The following GEMIN5 variants were observed in gnomAD, a reference collection of about 807,000 sequenced individuals.
The protein encoded by GEMIN5 is gem nuclear organelle associated protein 5, also known as gem-associated protein 5.
A neutral mutation model predicts 176.9 loss-of-function variants in GEMIN5; 124 were observed. That is an observed-to-expected ratio of 0.70 (90% confidence interval 0.61 to 0.81). The LOEUF (loss-of-function observed/expected upper bound fraction) is 0.81. Among genes scored for constraint, GEMIN5 ranks in the 40% least tolerant of loss-of-function variants. GEMIN5 has a pLI of 0.00. For synonymous variants in GEMIN5, 673 were observed against 665.2 expected, an observed-to-expected ratio of 1.01 and a Z score of -0.18; for missense variants, 1,843 against 1,814.6, an observed-to-expected ratio of 1.02 and a Z score of -0.28.
At chr5:154,937,729 C>G (rs1261737045) in intron 1 of GEMIN5, among the ~76,000 whole-genome samples, 2 of 152,206 alleles carry the variant, frequency 1.3e-5, no homozygotes, top group East Asian at 3.9e-4. Context: ...ACAAGGCTAA[C>G]TTTTCAGTAA....
intron 14 of GEMIN5, 88 bp from the exon 15 acceptor site, chr5:154,911,986 A>C: frequency 8.3e-7 from 1 of 1,201,006 alleles, no homozygotes; most frequent in Non-Finnish European, 1.1e-6. Context: ...ACAAAAAACA[A>C]AAAACAAAAA....
At chr5:154,918,996 G>A (rs1217809595) in intron 11 of GEMIN5, among the ~76,000 whole-genome samples, 3 of 152,086 alleles carry the variant, frequency 2.0e-5, no homozygotes, top group South Asian at 2.1e-4. Flanking sequence ...AGCTGAGATC[G>A]CACCACCGCA....
intron 15 of GEMIN5, among the ~76,000 whole-genome samples, chr5:154,909,314 C>T (rs1763643395): frequency 6.6e-6 from 1 of 151,720 alleles, no homozygotes; most frequent in Admixed American, 6.6e-5. Context: ...CATTCTACCA[C>T]AAGGAAGAGC....
chr5:154,891,752 G>A lies in GEMIN5; in HGVS notation c.3761-10C>T, dbSNP rs1174796803. ...CTTAGGTGGTCACAGCCTAGGAAAA[G>A]AGGAAAAAGATACTGGGTCATGCAT... On this transcript the variant is annotated splice_polypyrimidine_tract_variant and intron_variant, in intron 25 of 27. Transcript: ENST00000285873. 2 of 1,565,018 alleles carry A rather than the reference G, an allele frequency of 1.3e-6. No homozygotes were observed. The highest frequency in any genetic ancestry group is 2.1e-5 in the Admixed American group (1 of 47,880).
rs575479760 is a variant in GEMIN5 at position 154,931,099 on chromosome 5, G to A, written c.781+359C>T. Among the ~76,000 whole-genome samples the A allele has an allele frequency of 9.2e-5, 14 of 152,304 alleles. No individual in the cohort carries two copies. The South Asian group carries it at 1.0e-3, about 11-fold the overall frequency. On this transcript the variant is annotated intron_variant, in intron 5 of 27. Coordinates refer to ENST00000285873, the MANE Select transcript of GEMIN5 (RefSeq NM_015465.5). ...GGTGTATGTAATTTATTCTGCATTT[G>A]TGCATTAAAAGCTCTAACTCTTAAG... is the stretch of plus-strand genomic sequence containing the variant.
intron 25 of GEMIN5, among the ~76,000 whole-genome samples, chr5:154,892,160 A>C (rs1471581970): frequency 1.3e-5 from 2 of 152,212 alleles, no homozygotes; most frequent in Non-Finnish European, 2.9e-5. Flanking sequence ...TCTCTCCCTT[A>C]AACTTTGTGG....
intron 6 of GEMIN5, among the ~76,000 whole-genome samples, chr5:154,928,006 T>A (rs897514505): frequency 1.1e-4 from 16 of 151,270 alleles, no homozygotes; most frequent in Non-Finnish European, 1.8e-4. Flanking sequence ...AAAAAAAAAA[T>A]TTAATCACAG....
chr5:154,889,051 T>C (rs148198781), intron 27 of GEMIN5, among the ~76,000 whole-genome samples: 1 of 152,078 alleles, frequency 6.6e-6, no homozygotes, highest in Non-Finnish European at 1.5e-5. Flanking sequence ...TAATATTTTG[T>C]ATTTTTAGTA....
intron 26 of GEMIN5, 122 bp downstream of exon 26, chr5:154,891,119 C>A: frequency 1.5e-5 from 7 of 481,460 alleles, no homozygotes; most frequent in African/African-American, 2.5e-5. Context: ...TGGTGGTGAA[C>A]TCCTGGGCCA....
chr5:154,931,435 C>T (rs1764159374), intron 5 of GEMIN5, 23 bp downstream of exon 5: 12 of 1,593,272 alleles, frequency 7.5e-6, no homozygotes, highest in Non-Finnish European at 9.4e-6. Flanking sequence ...TAGGTTACAT[C>T]ACAAAAGAAA....
At chr5:154,906,246 T>C (rs2042168) in intron 16 of GEMIN5, among the ~76,000 whole-genome samples, 126,153 of 152,000 alleles carry the variant, frequency 0.83, 53,108 homozygotes, top group Non-Finnish European at 0.91. Context: ...GTCTCTTTCC[T>C]TGGCCTCCCA....
chr5:154,907,899 ATTCCTCT>A, intron 15 of GEMIN5, 81 bp from the exon 16 acceptor site: 1 of 888,322 alleles, frequency 1.1e-6, no homozygotes, highest in Non-Finnish European at 1.8e-6. Flanking sequence ...CCAATATCTC[ATTCCTCT>A]TTAATAGCAT....
intron 25 of GEMIN5, among the ~76,000 whole-genome samples, chr5:154,891,977 T>C (rs56773390): frequency 0.087 from 13,210 of 152,142 alleles, 636 homozygotes; most frequent in Admixed American, 0.15. Flanking sequence ...CAAAGCATGA[T>C]AGAGTATTCC....
chr5:154,908,171 CCTTTTTTTTTTT>C (rs1418127797), intron 15 of GEMIN5, among the ~76,000 whole-genome samples: 2 of 88,708 alleles, frequency 2.3e-5, no homozygotes, highest in African/African-American at 4.5e-5. Context: ...ACCCAGATGT[CCTTTTTTTTTTT>C]TTTTTTTTTT....
rs1034954299 is a variant in GEMIN5, at chr5:154,914,703, C to T, written c.1856-1665G>A. ...CAAGTGATCTTCCTGCCATGGTCTC[C>T]TCAAGTGTTGGGATTATAGGCATGA... On this transcript the variant is annotated intron_variant, in intron 13 of 27. Transcript: ENST00000285873. Among the ~76,000 whole-genome samples the T allele has an allele frequency of 2.6e-4, 39 of 151,932 alleles. 1 individual carries two copies. The highest frequency in any genetic ancestry group is 8.5e-4 in the Admixed American group (13 of 15,216).
intron 9 of GEMIN5, among the ~76,000 whole-genome samples, chr5:154,922,545 T>C (rs1477994882): frequency 6.6e-6 from 1 of 152,220 alleles, no homozygotes; most frequent in Non-Finnish European, 1.5e-5. Context: ...ACTCTCTGGC[T>C]ATTACATGGC....
chr5:154,936,039 A>T lies in GEMIN5; in HGVS notation c.328-17T>A, dbSNP rs772143928. ...TATCGTATGCTTTAAAACAAAACAAAAATTTGTTATTGTCAATGCTGAAGT... is the reference window on the plus strand; with the variant it reads ...TATCGTATGCTTTAAAACAAAACAATAATTTGTTATTGTCAATGCTGAAGT... On this transcript the variant is annotated splice_polypyrimidine_tract_variant and intron_variant, in intron 2 of 27. Coordinates refer to ENST00000285873, the MANE Select transcript of GEMIN5 (RefSeq NM_015465.5). 1 of 1,516,612 alleles carries T rather than the reference A, an allele frequency of 6.6e-7. No homozygotes were observed. The highest frequency in any genetic ancestry group is 8.9e-7 in the Non-Finnish European group (1 of 1,117,472). The allele number at this position is 1,516,612 out of a possible 1,614,324, so 93.9% of individuals were successfully genotyped here.
rs578193149 is a variant in GEMIN5 at position 154,933,442 on chromosome 5, G to A, written c.510-1192C>T. On this transcript the variant is annotated intron_variant, in intron 3 of 27. Coordinates refer to ENST00000285873, the MANE Select transcript of GEMIN5 (RefSeq NM_015465.5). ...TACTGCACTGTGTGAATATTTCAAA[G>A]TTTATTCATTTTCCTTTTGAAGGGC... is the stretch of plus-strand genomic sequence containing the variant. 5.3e-5 allele frequency among the ~76,000 whole-genome samples: 8 copies of A among 152,126 alleles called. No homozygotes were observed. In the East Asian group the frequency reaches 1.5e-3, roughly 29 times the overall value.
At chr5:154,926,289 C>T (rs773013107) in intron 7 of GEMIN5, among the ~76,000 whole-genome samples, 5 of 152,114 alleles carry the variant, frequency 3.3e-5, no homozygotes, top group East Asian at 1.9e-4. Context: ...AAAGATGTCA[C>T]GTGAATTCAG....
Sources: gnomAD v4.1 joint callset for allele counts (sites outside exome capture counted in the v4.1 genomes callset) on GRCh38, gnomAD v4.1.1 for gene constraint, MANE v1.5 for transcripts, NCBI Gene and HGNC (gene_info 2026-07-23, HGNC 2026-07-21) for gene names.